KMT2C: variants seen among roughly 807,000 people sequenced by gnomAD.
KMT2C encodes the protein lysine methyltransferase 2C, also known as histone-lysine N-methyltransferase 2C.
In KMT2C, 88 loss-of-function variants were observed where a neutral mutation model predicts 507.9. The observed-to-expected ratio is 0.17, with a 90% CI of 0.15 to 0.21. The LOEUF (loss-of-function observed/expected upper bound fraction) is 0.21, where lower values mean the gene tolerates loss of function less well. Ranked by LOEUF, KMT2C falls within the 10% of genes least tolerant of loss-of-function variation. The pLI, the probability that KMT2C is intolerant of heterozygous loss-of-function variation, is 1.00. For synonymous variants in KMT2C, 2,049 were observed against 2,080.8 expected (o/e 0.98, Z 0.42); for missense variants, 4,954 against 5,957.8 (o/e 0.83, Z 5.55).
chr7:152,169,100 T>C, intron 41 of KMT2C, 86 bp downstream of exon 41: 1 of 862,514 alleles, frequency 1.2e-6, no homozygotes, highest in Non-Finnish European at 2.0e-6. Context: ...CTGGTGTACC[T>C]ACACTCACTT....
intron 6 of KMT2C, among the ~76,000 whole-genome samples, chr7:152,308,983 G>C (rs890524512): frequency 6.6e-6 from 1 of 152,122 alleles, no homozygotes; most frequent in Non-Finnish European, 1.5e-5. Context: ...AAAAATGGCA[G>C]ACTATGCACA....
intron 23 of KMT2C, among the ~76,000 whole-genome samples, chr7:152,211,375 A>G (rs1403588715): frequency 1.3e-5 from 2 of 152,210 alleles, no homozygotes; most frequent in African/African-American, 4.8e-5. Flanking sequence ...TTCCACCCAA[A>G]TAGAGGGAAA....
rs745511446 is a variant in KMT2C at position 152,310,048 on chromosome 7, A to G, written c.767T>C (p.Val256Ala). Reference protein sequence around the residue: ...TGTCWAHHRCVEWSLGVCQME... With the variant: ...TGTCWAHHRCAEWSLGVCQME... ...CTGGCATACTCCTAGTGACCACTCC[A>G]CACAACGGTGATGAGCCCAACAAGT... The change falls in exon 6 of 59, where the codon GTG becomes GCG. Residue 256 changes from valine to alanine, a missense_variant. Coordinates refer to ENST00000262189, the MANE Select transcript of KMT2C (RefSeq NM_170606.3). 1 of 1,613,792 alleles carries G rather than the reference A, an allele frequency of 6.2e-7. No individual in the cohort carries two copies. The highest frequency in any genetic ancestry group is 8.5e-7 in the Non-Finnish European group (1 of 1,179,736).
At chr7:152,336,215 A>G (rs2096933956) in intron 2 of KMT2C, among the ~76,000 whole-genome samples, 1 of 152,250 alleles carries the variant, frequency 6.6e-6, no homozygotes, top group Non-Finnish European at 1.5e-5. Flanking sequence ...AACAAACAAC[A>G]AAAAAGGTAT....
intron 6 of KMT2C, among the ~76,000 whole-genome samples, chr7:152,302,009 A>G (rs2096573380): frequency 6.6e-6 from 1 of 152,168 alleles, no homozygotes; most frequent in Non-Finnish European, 1.5e-5. Context: ...ACCTTACTAT[A>G]GGAAGGCTAT....
intron 6 of KMT2C, among the ~76,000 whole-genome samples, chr7:152,297,043 A>AAGACAGACAGAC (rs2096512135): frequency 1.2e-5 from 1 of 83,404 alleles, no homozygotes; most frequent in African/African-American, 5.0e-5. Context: ...GAAAGAAAGA[A>AAGACAGACAGAC]AGAAAGAAAG....
rs184133694 is a variant in KMT2C at position 152,188,803 on chromosome 7, T to C, written c.4661-956A>G. Among the ~76,000 whole-genome samples the C allele has an allele frequency of 1.8e-3, 275 of 151,836 alleles. 3 individuals are homozygous for C. Among genetic ancestry groups the C allele is most frequent in the Middle Eastern group, 3.4e-3 (1 of 294 alleles). On this transcript the variant is annotated intron_variant, in intron 31 of 58. Coordinates refer to ENST00000262189, the MANE Select transcript of KMT2C (RefSeq NM_170606.3). ...TTTTGTATTTTTAGTGGAGGTGGGG[T>C]TTCACCATTTTGGCCAAGCTGATCT...
intron 42 of KMT2C, 26 bp downstream of exon 42, chr7:152,167,120 T>G: frequency 6.4e-7 from 1 of 1,554,042 alleles, no homozygotes; most frequent in South Asian, 1.1e-5. Context: ...TGTTGGTAGT[T>G]TCTATTTTGC....
intron 6 of KMT2C, among the ~76,000 whole-genome samples, chr7:152,309,200 T>G (rs1206382985): frequency 6.6e-6 from 1 of 152,162 alleles, no homozygotes; most frequent in Non-Finnish European, 1.5e-5. Flanking sequence ...ATAAGCATAG[T>G]GCAAAATTTT....
chr7:152,228,267 G>A (rs1317457776), intron 18 of KMT2C, among the ~76,000 whole-genome samples: 1 of 152,194 alleles, frequency 6.6e-6, no homozygotes, highest in African/African-American at 2.4e-5. Flanking sequence ...TTTAAAGAGT[G>A]TTAAGGTTCT....
At chr7:152,351,825 C>CCG (rs982312541) in intron 2 of KMT2C, among the ~76,000 whole-genome samples, 2 of 152,122 alleles carry the variant, frequency 1.3e-5, no homozygotes, top group African/African-American at 4.8e-5. Flanking sequence ...TCTCTTAATC[C>CCG]CGTCATTTTC....
chr7:152,143,269 A>G (rs2090772641), intron 55 of KMT2C, among the ~76,000 whole-genome samples: 1 of 152,250 alleles, frequency 6.6e-6, no homozygotes, highest in Admixed American at 6.5e-5. Context: ...AAAACAAAAT[A>G]TCAAACAAGA....
chr7:152,191,357 C>T (rs2093787089), intron 31 of KMT2C, among the ~76,000 whole-genome samples: 1 of 152,180 alleles, frequency 6.6e-6, no homozygotes, highest in East Asian at 1.9e-4. Flanking sequence ...ATCCTCTGGG[C>T]CCCTGGTTTA....
intron 4 of KMT2C, among the ~76,000 whole-genome samples, chr7:152,314,659 G>A (rs1391519836): frequency 6.6e-6 from 1 of 152,074 alleles, no homozygotes; most frequent in Non-Finnish European, 1.5e-5. Flanking sequence ...TTAAATAAAT[G>A]ACTGAATGGA....
chr7:152,152,367 G>A (rs1220330479), intron 49 of KMT2C, among the ~76,000 whole-genome samples: 2 of 152,202 alleles, frequency 1.3e-5, no homozygotes, highest in African/African-American at 2.4e-5. Context: ...AGCCCCATCT[G>A]TACCAGGTGG....
chr7:152,252,838 G>T, intron 9 of KMT2C, 123 bp from the exon 10 acceptor site: 1 of 697,156 alleles, frequency 1.4e-6, no homozygotes. Flanking sequence ...TTATTTTCAT[G>T]ACACTAATTT....
At chr7:152,280,686 G>A (rs2096192604) in intron 6 of KMT2C, among the ~76,000 whole-genome samples, 1 of 152,148 alleles carries the variant, frequency 6.6e-6, no homozygotes, top group African/African-American at 2.4e-5. Context: ...ACCTTAAACA[G>A]AGAGCACAGG....
chr7:152,408,987 TTCTC>T (rs869110304), intron 1 of KMT2C, among the ~76,000 whole-genome samples: 3 of 151,854 alleles, frequency 2.0e-5, no homozygotes, highest in Non-Finnish European at 4.4e-5. Context: ...CTGGGTGGGT[TTCTC>T]TCTCTTTTTT....
At chr7:152,249,689 A>AAAAAAAC (rs2095532822) in intron 13 of KMT2C, among the ~76,000 whole-genome samples, 187 bp downstream of exon 13, 3 of 151,116 alleles carry the variant, frequency 2.0e-5, no homozygotes, top group African/African-American at 7.3e-5. Flanking sequence ...AAAAAAAAAA[A>AAAAAAAC]AAAAAAAAAA....
Sources: gnomAD v4.1 joint callset for allele counts (sites outside exome capture counted in the v4.1 genomes callset) on GRCh38, gnomAD v4.1.1 for gene constraint, MANE v1.5 for transcripts, NCBI Gene and HGNC (gene_info 2026-07-23, HGNC 2026-07-21) for gene names.